ERBB4: variants seen among roughly 807,000 people sequenced by gnomAD.
ERBB4 encodes receptor tyrosine-protein kinase erbB-4.
A neutral mutation model predicts 158.0 loss-of-function variants in ERBB4; 42 were observed. The observed-to-expected ratio is 0.27, with a 90% CI of 0.21 to 0.34. ERBB4 has a LOEUF of 0.34. Among genes scored for constraint, ERBB4 ranks in the 10% least tolerant of loss-of-function variants. The pLI is 1.00. For missense variants in ERBB4, 1,333 were observed against 1,624.1 expected (o/e 0.82, Z 3.08); for synonymous variants, 583 against 558.7 (o/e 1.04, Z -0.61).
intron 1 of ERBB4, among the ~76,000 whole-genome samples, chr2:212,515,878 G>C (rs544773890): frequency 6.6e-6 from 1 of 151,818 alleles, no homozygotes; most frequent in Non-Finnish European, 1.5e-5. Context: ...TAACTCAAAA[G>C]AGTTATCTCC....
intron 1 of ERBB4, among the ~76,000 whole-genome samples, chr2:212,347,175 A>G (rs1411197834): frequency 6.6e-6 from 1 of 152,132 alleles, no homozygotes; most frequent in Non-Finnish European, 1.5e-5. Context: ...TCATTTTTGT[A>G]GAGATTTGAT....
intron 3 of ERBB4, among the ~76,000 whole-genome samples, chr2:211,796,344 T>C (rs2076382604): frequency 6.6e-6 from 1 of 151,996 alleles, no homozygotes; most frequent in Non-Finnish European, 1.5e-5. Flanking sequence ...TGGTATTCCA[T>C]GGTTTGTCAA....
chr2:212,363,159 T>C (rs1385356905), intron 1 of ERBB4, among the ~76,000 whole-genome samples: 2 of 151,436 alleles, frequency 1.3e-5, no homozygotes, highest in Non-Finnish European at 3.0e-5. Context: ...TTTTGGATAG[T>C]ATAGCTTTTA....
chr2:211,887,773 A>G (rs2106171244), intron 3 of ERBB4, among the ~76,000 whole-genome samples: 1 of 152,320 alleles, frequency 6.6e-6, no homozygotes, highest in East Asian at 1.9e-4. Flanking sequence ...AAACATACTT[A>G]ATATGTTTAT....
chr2:211,704,421 A>C (rs1170133621), intron 10 of ERBB4, among the ~76,000 whole-genome samples: 4 of 152,206 alleles, frequency 2.6e-5, no homozygotes, highest in Non-Finnish European at 4.4e-5. Context: ...AGTTTGATTT[A>C]TTCTTATAAA....
intron 1 of ERBB4, among the ~76,000 whole-genome samples, chr2:212,226,491 A>G (rs1521645): frequency 0.51 from 77,221 of 151,650 alleles, 20,251 homozygotes; most frequent in East Asian, 0.76. Flanking sequence ...TGCTTTATCT[A>G]AGTCATAGAA....
chr2:212,067,302 G>A (rs1203341248), intron 2 of ERBB4, among the ~76,000 whole-genome samples: 2 of 151,856 alleles, frequency 1.3e-5, no homozygotes. Context: ...ATAATCAGGC[G>A]AACTGGTCTT....
intron 2 of ERBB4, among the ~76,000 whole-genome samples, chr2:212,014,708 C>T (rs1003816650): frequency 6.6e-6 from 1 of 151,912 alleles, no homozygotes; most frequent in Admixed American, 6.6e-5. Context: ...ATCCCATTAC[C>T]CTTCAACCAT....
chr2:212,367,821 A>G (rs1289574680), intron 1 of ERBB4, among the ~76,000 whole-genome samples: 1 of 152,190 alleles, frequency 6.6e-6, no homozygotes, highest in Non-Finnish European at 1.5e-5. Context: ...GCCAACAAAC[A>G]TATGAAAAAA....
chr2:211,436,246 C>G (rs1334532128), intron 20 of ERBB4, among the ~76,000 whole-genome samples: 65 of 152,290 alleles, frequency 4.3e-4, no homozygotes, highest in African/African-American at 1.3e-3. Context: ...ATTTTAAACT[C>G]AGTTAAATTA....
chr2:211,940,581 A>G (rs2080466036), intron 3 of ERBB4, among the ~76,000 whole-genome samples: 1 of 152,140 alleles, frequency 6.6e-6, no homozygotes, highest in African/African-American at 2.4e-5. Flanking sequence ...AATATTTTCT[A>G]AAGGATGCTC....
At chr2:211,825,327 A>G (rs1346995791) in intron 3 of ERBB4, among the ~76,000 whole-genome samples, 2 of 151,936 alleles carry the variant, frequency 1.3e-5, no homozygotes, top group East Asian at 3.9e-4. Flanking sequence ...ATACATACTT[A>G]TAGGCCCTTA....
intron 3 of ERBB4, among the ~76,000 whole-genome samples, chr2:211,790,868 T>C (rs1449054586): frequency 6.6e-6 from 1 of 151,956 alleles, no homozygotes; most frequent in Non-Finnish European, 1.5e-5. Context: ...AGTCAGAGAA[T>C]GTAGAATTTC....
chr2:211,914,558 T>G (rs562973308), intron 3 of ERBB4, among the ~76,000 whole-genome samples: 7 of 152,244 alleles, frequency 4.6e-5, no homozygotes, highest in Admixed American at 3.9e-4. Flanking sequence ...ATCAGGCATA[T>G]TACCTCTCTT....
chr2:211,812,154 C>T (rs2076771056), intron 3 of ERBB4, among the ~76,000 whole-genome samples: 1 of 152,188 alleles, frequency 6.6e-6, no homozygotes, highest in Admixed American at 6.5e-5. Flanking sequence ...TTCTCCCCAT[C>T]TTTGTGGTTT....
At chr2:212,437,744 T>C (rs1007250493) in intron 1 of ERBB4, among the ~76,000 whole-genome samples, 2 of 152,106 alleles carry the variant, frequency 1.3e-5, no homozygotes, top group Admixed American at 6.6e-5. Context: ...TTAGAAACAC[T>C]GTACTGTCTA....
Position 212,534,734 on chromosome 2 carries a change from G to A in ERBB4, c.82+3715C>T, listed in dbSNP as rs550936186. Reference sequence around the variant, plus strand: ...ATCTATAGTAACAGAAAGGGTGAATGCATAAGACAGATGATAAATAGTACT... The same window carrying A: ...ATCTATAGTAACAGAAAGGGTGAATACATAAGACAGATGATAAATAGTACT... On this transcript the variant is annotated intron_variant, in intron 1 of 27. Transcript: ENST00000342788. Among the ~76,000 whole-genome samples the A allele has an allele frequency of 3.9e-5, 6 of 152,266 alleles. No individual in the cohort carries two copies. The East Asian group carries it at 1.2e-3, about 29-fold the overall frequency.
At chr2:212,010,562 C>G (rs114466204) in intron 2 of ERBB4, among the ~76,000 whole-genome samples, 6 of 151,994 alleles carry the variant, frequency 3.9e-5, no homozygotes, top group South Asian at 2.1e-4. Flanking sequence ...ATTACTGATA[C>G]GGGTCCAACA....
In ERBB4 at chr2:211,700,466, G is replaced by A. The variant is rs148414396; in HGVS notation, c.1489+1501C>T. On this transcript the variant is annotated intron_variant, in intron 12 of 27. Transcript: ENST00000342788. Reference sequence around the variant, plus strand: ...AGTTCACTCTTAGCAGGAACCTCATGTTGTAATAGATCTCCTTTATTTGGA... The same window carrying A: ...AGTTCACTCTTAGCAGGAACCTCATATTGTAATAGATCTCCTTTATTTGGA... Among the ~76,000 whole-genome samples, 1,164 of 152,318 alleles carry A rather than the reference G, an allele frequency of 7.6e-3. 13 individuals carry two copies. Among genetic ancestry groups the A allele is most frequent in the African/African-American group, 0.027 (1,108 of 41,578 alleles).
Sources: allele counts gnomAD v4.1 joint callset (sites outside exome capture counted in the v4.1 genomes callset), GRCh38; gene constraint gnomAD v4.1.1; transcripts MANE v1.5; gene names NCBI Gene and HGNC (gene_info 2026-07-23, HGNC 2026-07-21).